PIWIL1: variants seen among roughly 807,000 people sequenced by gnomAD.
PIWIL1 encodes piwi like RNA-mediated gene silencing 1, also known as piwi-like protein 1.
A neutral mutation model predicts 114.4 loss-of-function variants in PIWIL1; 73 were observed. The observed-to-expected ratio is 0.64, with a 90% CI of 0.53 to 0.78. PIWIL1 has a LOEUF of 0.78. Among genes scored for constraint, PIWIL1 ranks in the 30% least tolerant of loss-of-function variants. The probability of loss-of-function intolerance (pLI) is 0.00; values close to 1 mark genes in which losing one functional copy is unlikely to be tolerated. For missense variants in PIWIL1, 723 were observed against 1,063.1 expected (o/e 0.68, Z 4.45); for synonymous variants, 375 against 369.0 (o/e 1.02, Z -0.19).
chr12:130,398,006 A>G, the PIWIL1 span: 1 of 152,832 alleles, frequency 6.5e-6, no homozygotes, highest in Non-Finnish European at 1.5e-5. Flanking sequence ...GGTGGTTGGT[A>G]TACTATAGAA....
the PIWIL1 span, among the ~76,000 whole-genome samples, chr12:130,418,835 C>T: frequency 6.6e-6 from 1 of 152,174 alleles, no homozygotes; most frequent in Non-Finnish European, 1.5e-5. Flanking sequence ...CAAGTCCAAA[C>T]TCACATGGAC....
chr12:130,376,697 C>T (rs73150860), downstream of PIWIL1, among the ~76,000 whole-genome samples: 8 of 152,338 alleles, frequency 5.3e-5, no homozygotes, highest in East Asian at 1.9e-4. Context: ...TTTCAAAATA[C>T]GAGTACCTGT....
At chr12:130,412,644 A>G in the PIWIL1 span, 1 of 1,613,992 alleles carries the variant, frequency 6.2e-7, no homozygotes, top group Non-Finnish European at 8.5e-7. Context: ...GTGTATTCAG[A>G]GGGAGAAAGC....
At position 130,338,246 on chromosome 12, in the gene PIWIL1, C is replaced by T. The variant is rs555071717; in HGVS notation, c.-13+100C>T. ...GAGGTGAGGCTCGAGGTGCGGGGACCGGGTTGCGGGGGCGAGGTCCCAGGT... is the reference window on the plus strand; with the variant it reads ...GAGGTGAGGCTCGAGGTGCGGGGACTGGGTTGCGGGGGCGAGGTCCCAGGT... On this transcript the variant is annotated intron_variant, in intron 1 of 20. Transcript: ENST00000245255. The T allele has an allele frequency of 4.1e-5, 13 of 316,752 alleles. No individual in the cohort carries two copies. In the East Asian group the frequency reaches 8.6e-4, roughly 21 times the overall value. 19.6% of individuals were successfully genotyped at this position (316,752 alleles called of 1,614,324 possible).
the PIWIL1 span, among the ~76,000 whole-genome samples, chr12:130,381,590 A>T: frequency 6.6e-6 from 1 of 152,182 alleles, no homozygotes; most frequent in Non-Finnish European, 1.5e-5. Flanking sequence ...ATTGCTTCCA[A>T]GTTTTGGCAA....
chr12:130,340,031 A>C (rs1385564331), intron 1 of PIWIL1, among the ~76,000 whole-genome samples: 1 of 152,142 alleles, frequency 6.6e-6, no homozygotes, highest in African/African-American at 2.4e-5. Flanking sequence ...CTAGTTGGAG[A>C]AGCTATGGAG....
the PIWIL1 span, among the ~76,000 whole-genome samples, chr12:130,414,879 C>T: frequency 6.6e-6 from 1 of 152,212 alleles, no homozygotes; most frequent in Non-Finnish European, 1.5e-5. Context: ...CATTCCTAGA[C>T]ACACACAACC....
chr12:130,348,316 C>T, intron 7 of PIWIL1, 133 bp downstream of exon 7: 2 of 577,120 alleles, frequency 3.5e-6, no homozygotes, highest in Non-Finnish European at 3.0e-6. Context: ...GACTATTTAA[C>T]TTGAATAATG....
intron 2 of PIWIL1, 28 bp downstream of exon 2, chr12:130,342,697 G>A: frequency 6.4e-7 from 1 of 1,554,728 alleles, no homozygotes; most frequent in Non-Finnish European, 8.9e-7. Context: ...TCTGACTACA[G>A]AAAATGTCTT....
intron 6 of PIWIL1, among the ~76,000 whole-genome samples, chr12:130,347,413 G>A (rs1465886817): frequency 6.6e-6 from 1 of 152,170 alleles, no homozygotes; most frequent in East Asian, 1.9e-4. Flanking sequence ...CACCACAGGA[G>A]ATATACTGCA....
chr12:130,348,066 C>G, intron 6 of PIWIL1, 37 bp from the exon 7 acceptor site: 1 of 1,329,624 alleles, frequency 7.5e-7, no homozygotes, highest in Non-Finnish European at 1.1e-6. Context: ...ATTAGAGATA[C>G]TTATCAATAT....
At chr12:130,424,227 A>G in the PIWIL1 span, 2 of 1,231,126 alleles carry the variant, frequency 1.6e-6, no homozygotes, top group South Asian at 4.1e-5. This position sits in a 1 kb window ranked among gnomAD's most constrained non-coding sequence, Gnocchi z 9.8. Flanking sequence ...TTTCTTCCAG[A>G]CACCCCGAAA....
the PIWIL1 span, chr12:130,398,940 T>A: frequency 5.9e-6 from 2 of 336,812 alleles, no homozygotes; most frequent in African/African-American, 2.1e-5. Context: ...TCAGTTGCTT[T>A]ACAACTGAGA....
rs75876550 is a variant in PIWIL1, at chr12:130,343,005, T to C, written c.94T>C (p.Tyr32His). 2 of 1,613,942 alleles carry C rather than the reference T, an allele frequency of 1.2e-6. No homozygotes were observed. Among genetic ancestry groups the C allele is most frequent in the South Asian group, 2.2e-5 (2 of 91,070 alleles). ...GTAACTACAGAGTCAGCAACCTGGT[T>C]ATATTCAGCCTAGGCCTCAGCCGCC... ...VGSTASQQPG[Y>H]IQPRPQPPPA... The change falls in exon 3 of 21, where the codon TAT becomes CAT. Residue 32 changes from tyrosine to histidine, a missense_variant. This residue lies in a region of PIWIL1 where 91 missense variants were observed against 76.2 expected (regional missense o/e 1.19). Transcript: ENST00000245255.
At chr12:130,373,008 G>A (rs1403615297), downstream of PIWIL1, among the ~76,000 whole-genome samples, 1 of 152,150 alleles carries the variant, frequency 6.6e-6, no homozygotes, top group Non-Finnish European at 1.5e-5. Flanking sequence ...TGTGGCACAC[G>A]GTCTCATTCT....
Position 130,343,057 on chromosome 12 carries a change from G to T in PIWIL1, c.146G>T (p.Arg49Leu), listed in dbSNP as rs146544413. 55 of 1,613,796 alleles carry T rather than the reference G, an allele frequency of 3.4e-5. No individual in the cohort carries two copies. The highest frequency in any genetic ancestry group is 6.7e-5 in the African/African-American group (5 of 74,928). The change falls in exon 3 of 21, where the codon CGT becomes CTT. Residue 49 changes from arginine to leucine, a missense_variant. Arg to Leu is a moderately radical substitution (Grantham distance 102). Transcript: ENST00000245255. ...CCAGCAGAGGGGGAATTATTTGGCC[G>T]TGGACGGCAGAGAGGAACAGCAGGA... ...PPPAEGELFG[R>L]GRQRGTAGGT...
At chr12:130,343,887 A>T (rs2072999008) in intron 3 of PIWIL1, among the ~76,000 whole-genome samples, 1 of 152,260 alleles carries the variant, frequency 6.6e-6, no homozygotes, top group South Asian at 2.1e-4. Context: ...TTAGCCTCCC[A>T]AAGTGCTGGG....
At chr12:130,413,422 G>C in the PIWIL1 span, among the ~76,000 whole-genome samples, 9 of 152,064 alleles carry the variant, frequency 5.9e-5, no homozygotes, top group Non-Finnish European at 1.3e-4. Context: ...TTAAGATCAG[G>C]AGTTTGGGAC....
the PIWIL1 span, chr12:130,425,456 ACAGCGC>A: frequency 6.6e-6 from 1 of 152,474 alleles, no homozygotes; most frequent in Non-Finnish European, 1.5e-5. Context: ...GGCCCCACCA[ACAGCGC>A]CCGCACACCA....
Sources: gnomAD v4.1 joint callset for allele counts (sites outside exome capture counted in the v4.1 genomes callset) on GRCh38, gnomAD v4.1.1 for gene constraint, gnomAD v4.1.1 regional missense constraint, Gnocchi (gnomAD v3.1) non-coding constraint, MANE v1.5 for transcripts, NCBI Gene and HGNC (gene_info 2026-07-23, HGNC 2026-07-21) for gene names.